The following KSR2 variants were observed in gnomAD, a reference collection of about 807,000 sequenced individuals.
KSR2 encodes the protein kinase suppressor of ras 2.
A neutral mutation model predicts 107.8 loss-of-function variants in KSR2; 25 were observed. That is an observed-to-expected ratio of 0.23 (90% CI 0.17 to 0.32). The LOEUF is 0.32. KSR2 is among the 10% of genes least tolerant of loss of function. The probability of loss-of-function intolerance (pLI) is 1.00; values close to 1 mark genes in which losing one functional copy is unlikely to be tolerated. For synonymous variants in KSR2, 480 were observed against 507.0 expected (o/e 0.95, Z 0.71); for missense variants, 887 against 1,268.9 (o/e 0.70, Z 4.57).
intron 3 of KSR2, among the ~76,000 whole-genome samples, chr12:117,767,132 G>T (rs1289157797): frequency 1.3e-5 from 2 of 151,666 alleles, no homozygotes; most frequent in Non-Finnish European, 2.9e-5. Flanking sequence ...GAAAAAATTA[G>T]GCCAGGCGCG....
chr12:117,853,501 C>G (rs1892994608), intron 3 of KSR2, among the ~76,000 whole-genome samples: 1 of 152,076 alleles, frequency 6.6e-6, no homozygotes, highest in African/African-American at 2.4e-5. Flanking sequence ...TGCCACCACA[C>G]CCAGCTAATT....
chr12:117,801,022 A>G (rs1890815391), intron 3 of KSR2, among the ~76,000 whole-genome samples: 2 of 152,140 alleles, frequency 1.3e-5, no homozygotes, highest in South Asian at 4.1e-4. Flanking sequence ...GTTGGTTCCG[A>G]GTCTTTGCTA....
chr12:117,968,057 T>TCC lies in KSR2; in HGVS notation c.180+17_180+18dup, dbSNP rs748630447. ...TTTTTTTTTTTTTTTTTTTTTTTTT[T>TCC]CCCGTAGGCAACACCTACCTCCAGG... is the stretch of plus-strand genomic sequence containing the variant. On this transcript the variant is annotated intron_variant, in intron 1 of 19. Coordinates refer to ENST00000339824, the MANE Select transcript of KSR2 (RefSeq NM_173598.6). The TCC allele has an allele frequency of 1.4e-6, 1 of 722,402 alleles. No homozygotes were observed. The highest frequency in any genetic ancestry group is 2.1e-6 in the Non-Finnish European group (1 of 472,546). 44.7% of individuals were successfully genotyped at this position (722,402 alleles called of 1,614,324 possible). A position where few individuals can be genotyped will look rare whatever the true frequency, so the allele number is the denominator to read the frequency against.
intron 4 of KSR2, among the ~76,000 whole-genome samples, chr12:117,699,856 T>C (rs1886230830): frequency 6.6e-6 from 1 of 152,126 alleles, no homozygotes; most frequent in African/African-American, 2.4e-5. Flanking sequence ...TAGGAATTTT[T>C]CAGCTTCATT....
chr12:117,565,450 C>T (rs1412416658), intron 7 of KSR2, among the ~76,000 whole-genome samples: 2 of 152,162 alleles, frequency 1.3e-5, no homozygotes, highest in Non-Finnish European at 2.9e-5. Flanking sequence ...TTACACAACC[C>T]ATTTCCCCTG....
intron 1 of KSR2, among the ~76,000 whole-genome samples, chr12:117,924,682 T>C (rs565087537): frequency 1.3e-3 from 190 of 149,050 alleles, no homozygotes; most frequent in Non-Finnish European, 1.6e-3. Context: ...ATAGTACAAA[T>C]GACTCCGTTT....
At chr12:117,504,927 C>T (rs971736962) in intron 14 of KSR2, among the ~76,000 whole-genome samples, 4 of 152,114 alleles carry the variant, frequency 2.6e-5, no homozygotes, top group African/African-American at 9.7e-5. Context: ...CTCCCCATTC[C>T]GAGTCTCCAA....
intron 3 of KSR2, among the ~76,000 whole-genome samples, chr12:117,804,973 A>T (rs1890962081): frequency 6.6e-6 from 1 of 152,162 alleles, no homozygotes; most frequent in African/African-American, 2.4e-5. Context: ...CCCACTCAGC[A>T]TCCGTGGAAG....
chr12:117,480,797 T>C (rs7966409), intron 16 of KSR2, among the ~76,000 whole-genome samples: 59,760 of 152,026 alleles, frequency 0.39, 12,278 homozygotes, highest in East Asian at 0.63. Context: ...TTAGGTGACC[T>C]GTCCAAATGG....
intron 3 of KSR2, among the ~76,000 whole-genome samples, chr12:117,762,402 C>G (rs1242926170): frequency 6.6e-6 from 1 of 152,168 alleles, no homozygotes; most frequent in East Asian, 1.9e-4. Context: ...CCTGTGAGTG[C>G]CAACTATGCC....
At chr12:117,957,734 T>A (rs1402481725) in intron 1 of KSR2, among the ~76,000 whole-genome samples, 1 of 139,024 alleles carries the variant, frequency 7.2e-6, no homozygotes, top group Non-Finnish European at 1.5e-5. Flanking sequence ...TTATCATGAC[T>A]TAGAATTGTG....
intron 14 of KSR2, among the ~76,000 whole-genome samples, chr12:117,488,110 T>C (rs1301727293): frequency 6.6e-6 from 1 of 152,168 alleles, no homozygotes; most frequent in African/African-American, 2.4e-5. Flanking sequence ...ACAAGCGCTC[T>C]TGCTTGCCAC....
chr12:117,743,637 C>T (rs549324564), intron 4 of KSR2, among the ~76,000 whole-genome samples: 25 of 152,322 alleles, frequency 1.6e-4, no homozygotes, highest in Admixed American at 8.5e-4. Context: ...GAAACTATTG[C>T]TCAGACAAGT....
intron 14 of KSR2, among the ~76,000 whole-genome samples, chr12:117,498,995 AT>A (rs1468815251): frequency 6.6e-6 from 1 of 152,224 alleles, no homozygotes; most frequent in African/African-American, 2.4e-5. Flanking sequence ...GTCTTAACAC[AT>A]GAAATAGACC....
intron 5 of KSR2, among the ~76,000 whole-genome samples, chr12:117,585,912 T>C (rs368093881): frequency 6.6e-6 from 1 of 152,160 alleles, no homozygotes; most frequent in Non-Finnish European, 1.5e-5. Context: ...TTCTAGTGCA[T>C]AGAAAGAGAA....
rs369979337 is a variant in KSR2 at position 117,492,991 on chromosome 12, C to G, written c.2220-7300G>C. ...CCTGATTTTAGCTCCATGAGACCCA[C>G]TTTGGACTTCTGACTTTCAGAACCA... On this transcript the variant is annotated intron_variant, in intron 14 of 19. Coordinates refer to ENST00000339824, the MANE Select transcript of KSR2 (RefSeq NM_173598.6). 7.2e-5 allele frequency among the ~76,000 whole-genome samples: 11 copies of G among 152,268 alleles called. 1 individual carries two copies. The highest frequency in any genetic ancestry group is 2.6e-4 in the African/African-American group (11 of 41,552).
rs564294474 is a variant in KSR2 at position 117,465,372 on chromosome 12, C to T, written c.*1827G>A. ...AGAGCAGTGTCTGCTTAGGAGCAGC[C>T]CAAGCCGGGGTCTTTAGTCCTCTAG... On this transcript the variant is annotated 3_prime_UTR_variant, in exon 20 of 20. Transcript: ENST00000339824. The T allele has an allele frequency of 4.0e-4, 61 of 152,354 alleles. No homozygotes were observed. Among genetic ancestry groups the T allele is most frequent in the African/African-American group, 1.4e-3 (60 of 41,572 alleles). 9.4% of individuals were successfully genotyped at this position (152,354 alleles called of 1,614,324 possible). A position where few individuals can be genotyped will look rare whatever the true frequency, so the allele number is the denominator to read the frequency against.
At chr12:117,728,861 A>G (rs1344317487) in intron 4 of KSR2, among the ~76,000 whole-genome samples, 1 of 152,232 alleles carries the variant, frequency 6.6e-6, no homozygotes, top group Non-Finnish European at 1.5e-5. Context: ...GAATATCATG[A>G]ACTTTGGCAT....
intron 1 of KSR2, among the ~76,000 whole-genome samples, chr12:117,966,649 G>GCACACA: frequency 4.0e-5 from 3 of 74,730 alleles, no homozygotes; most frequent in East Asian, 8.9e-4. Context: ...ACACACACAT[G>GCACACA]CTGTCTCTCT....
Sources: gnomAD v4.1 joint callset for allele counts (sites outside exome capture counted in the v4.1 genomes callset) on GRCh38, gnomAD v4.1.1 for gene constraint, MANE v1.5 for transcripts, NCBI Gene and HGNC (gene_info 2026-07-23, HGNC 2026-07-21) for gene names.